ITPR2: variants seen among roughly 807,000 people sequenced by gnomAD.
ITPR2 encodes inositol 1,4,5-trisphosphate-gated calcium channel ITPR2.
ITPR2 carries 207 observed loss-of-function variants against 317.1 expected under a neutral mutation model. The ratio of observed to expected loss-of-function variants is 0.65; its 90% CI spans 0.58 to 0.73. The LOEUF (loss-of-function observed/expected upper bound fraction) is 0.73. Among genes scored for constraint, ITPR2 ranks in the 30% least tolerant of loss-of-function variants. ITPR2 has a pLI of 0.00. For missense variants in ITPR2, 2,613 were observed against 3,284.0 expected (o/e 0.80, Z 4.99); for synonymous variants, 1,156 against 1,149.1 (o/e 1.01, Z -0.12).
At chr12:26,509,613 T>G (rs1190803403) in intron 37 of ITPR2, among the ~76,000 whole-genome samples, 1 of 152,192 alleles carries the variant, frequency 6.6e-6, no homozygotes, top group African/African-American at 2.4e-5. Flanking sequence ...GAATGTTACA[T>G]CTGTTAGTAA....
chr12:26,353,285 T>C (rs1367369033), intron 55 of ITPR2, among the ~76,000 whole-genome samples: 1 of 152,222 alleles, frequency 6.6e-6, no homozygotes, highest in African/African-American at 2.4e-5. Flanking sequence ...AAGTCCTCGA[T>C]CATGATAATG....
chr12:26,339,620 G>T (rs1938037389), intron 56 of ITPR2, 137 bp from the exon 57 acceptor site: 2 of 623,764 alleles, frequency 3.2e-6, no homozygotes, highest in Admixed American at 3.1e-5. Context: ...ATCAAAAAAG[G>T]GATTTTTTTA....
At chr12:26,738,789 AT>A (rs2137077455) in intron 2 of ITPR2, among the ~76,000 whole-genome samples, 1 of 151,978 alleles carries the variant, frequency 6.6e-6, no homozygotes, top group South Asian at 2.1e-4. Flanking sequence ...TCCTTACATG[AT>A]TATAAAATTA....
At chr12:26,687,380 G>A (rs965223797) in intron 10 of ITPR2, among the ~76,000 whole-genome samples, 1 of 152,160 alleles carries the variant, frequency 6.6e-6, no homozygotes, top group Admixed American at 6.5e-5. Context: ...TAAAAATAGT[G>A]ACTTACACAT....
rs372121457 is a variant in ITPR2 at position 26,675,654 on chromosome 12, A to G, written c.1409+6220T>C. Among the ~76,000 whole-genome samples, 112 of 152,272 alleles carry G rather than the reference A, an allele frequency of 7.4e-4. 1 individual carries two copies. In the East Asian group the frequency reaches 0.018, roughly 24 times the overall value. On this transcript the variant is annotated intron_variant, in intron 13 of 56. Coordinates refer to ENST00000381340, the MANE Select transcript of ITPR2 (RefSeq NM_002223.4). ...TGGCACATGTATACATATGTAACTA[A>G]CCTGCACATTGTGCACATGTACCCT...
intron 55 of ITPR2, among the ~76,000 whole-genome samples, chr12:26,370,306 C>T (rs935035600): frequency 7.9e-5 from 12 of 152,156 alleles, no homozygotes; most frequent in African/African-American, 2.7e-4. Context: ...TGTGCTGACT[C>T]TGGGTGGTTA....
rs1486537285 is a variant in ITPR2, at chr12:26,596,973, C to G, written c.4164G>C (p.Gly1388=). The G allele has an allele frequency of 1.2e-6, 2 of 1,611,982 alleles. No homozygotes were observed. The highest frequency in any genetic ancestry group is 1.7e-5 in the Admixed American group (1 of 59,632). ...LVELLAACTE[G]KNVYTEIKCN... Reference sequence around the variant, plus strand: ...ACTTGATTTCAGTGTAGACATTTTTCCCCTCTGTGCATGCTGCCAGCAACT... The same window carrying G: ...ACTTGATTTCAGTGTAGACATTTTTGCCCTCTGTGCATGCTGCCAGCAACT... The change falls in exon 31 of 57, where the codon GGG becomes GGC. Residue 1388 remains glycine (G), a synonymous_variant. Coordinates refer to ENST00000381340, the MANE Select transcript of ITPR2 (RefSeq NM_002223.4).
intron 13 of ITPR2, among the ~76,000 whole-genome samples, chr12:26,676,562 C>A (rs1203158239): frequency 2.6e-5 from 4 of 151,302 alleles, no homozygotes; most frequent in Non-Finnish European, 5.9e-5. Context: ...ATAGGCCTCT[C>A]CACTGAATGG....
chr12:26,518,716 A>C (rs7975326), intron 37 of ITPR2, among the ~76,000 whole-genome samples: 105,941 of 151,932 alleles, frequency 0.7, 38,788 homozygotes, highest in Non-Finnish European at 0.83. Flanking sequence ...ATACAAACAG[A>C]ACTAATTTTT....
intron 55 of ITPR2, among the ~76,000 whole-genome samples, chr12:26,342,165 A>G (rs1316071291): frequency 1.3e-5 from 2 of 152,076 alleles, no homozygotes; most frequent in African/African-American, 2.4e-5. Context: ...CTCTGGGATG[A>G]GCATCAGGAA....
chr12:26,526,902 T>C (rs1343828353), intron 37 of ITPR2, among the ~76,000 whole-genome samples: 1 of 152,218 alleles, frequency 6.6e-6, no homozygotes, highest in Non-Finnish European at 1.5e-5. Flanking sequence ...TGGATGGTGA[T>C]ATTATTTATT....
chr12:26,386,043 T>C (rs1485192425), intron 55 of ITPR2, among the ~76,000 whole-genome samples: 1 of 152,108 alleles, frequency 6.6e-6, no homozygotes, highest in Non-Finnish European at 1.5e-5. Flanking sequence ...GTCTAATAAA[T>C]GTATATTGAT....
chr12:26,381,199 C>T (rs781054303), intron 55 of ITPR2, among the ~76,000 whole-genome samples: 9 of 152,164 alleles, frequency 5.9e-5, no homozygotes, highest in African/African-American at 1.2e-4. Flanking sequence ...GGACATAACC[C>T]TTCCTGCTGT....
At chr12:26,564,424 G>A (rs767481141) in intron 34 of ITPR2, among the ~76,000 whole-genome samples, 1 of 152,174 alleles carries the variant, frequency 6.6e-6, no homozygotes, top group South Asian at 2.1e-4. Context: ...CATATTGGCC[G>A]TATTCTGGTA....
chr12:26,417,943 T>A (rs1940773485), intron 50 of ITPR2, among the ~76,000 whole-genome samples: 1 of 152,200 alleles, frequency 6.6e-6, no homozygotes, highest in Admixed American at 6.5e-5. Context: ...ACTTTATGTA[T>A]CACTGACTGG....
intron 10 of ITPR2, among the ~76,000 whole-genome samples, chr12:26,690,931 A>G (rs1212504167): frequency 6.6e-6 from 1 of 152,254 alleles, no homozygotes; most frequent in African/African-American, 2.4e-5. Flanking sequence ...AGGTTCTTGG[A>G]AAATAGCTTT....
intron 55 of ITPR2, among the ~76,000 whole-genome samples, chr12:26,351,529 A>G (rs1406508577): frequency 1.3e-5 from 2 of 152,178 alleles, no homozygotes; most frequent in Non-Finnish European, 2.9e-5. Flanking sequence ...CAGCACACAC[A>G]TGTAGTACCA....
At chr12:26,545,170 T>A (rs1295108365) in intron 37 of ITPR2, among the ~76,000 whole-genome samples, 1 of 152,192 alleles carries the variant, frequency 6.6e-6, no homozygotes, top group East Asian at 1.9e-4. Flanking sequence ...AAGATGCACA[T>A]GTCCTCATGA....
intron 55 of ITPR2, among the ~76,000 whole-genome samples, chr12:26,346,381 G>C (rs1938309426): frequency 6.6e-6 from 1 of 152,186 alleles, no homozygotes; most frequent in Non-Finnish European, 1.5e-5. Context: ...CCAGCACTTT[G>C]GGAGGCCGAG....
Sources: allele counts gnomAD v4.1 joint callset (sites outside exome capture counted in the v4.1 genomes callset), GRCh38; gene constraint gnomAD v4.1.1; transcripts MANE v1.5; gene names NCBI Gene and HGNC (gene_info 2026-07-23, HGNC 2026-07-21).